The following NAALADL2 variants were observed in gnomAD, a reference collection of about 807,000 sequenced individuals.
NAALADL2 encodes the protein N-acetylated alpha-linked acidic dipeptidase like 2, also known as inactive N-acetylated-alpha-linked acidic dipeptidase-like protein 2.
Under a neutral mutation model 87.2 loss-of-function variants are expected in NAALADL2, and 76 were observed. The ratio of observed to expected loss-of-function variants is 0.87; its 90% CI spans 0.72 to 1.05. The LOEUF is 1.05. Among genes scored for constraint, NAALADL2 ranks in the 50% least tolerant of loss-of-function variants. NAALADL2 has a pLI of 0.00. For synonymous variants in NAALADL2, 354 were observed against 331.0 expected (o/e 1.07, Z -0.75); for missense variants, 1,089 against 945.8 (o/e 1.15, Z -1.99).
At position 174,458,180 on chromosome 3, in the gene NAALADL2, A is replaced by G. The variant is rs76194167; in HGVS notation, c.-184+17148A>G. 1.7e-3 allele frequency among the ~76,000 whole-genome samples: 258 copies of G among 152,316 alleles called. 1 individual carries two copies. The highest frequency in any genetic ancestry group is 6.1e-3 in the African/African-American group (252 of 41,568). ...TTTTAATTTATAAAGTATTATTAAT[A>G]GTTCACTATATAAGGGTTATTGTAA... is the stretch of plus-strand genomic sequence containing the variant. On this transcript the variant is annotated intron_variant, in intron 1 of 3. Transcript: ENST00000434257.
intron 11 of NAALADL2, among the ~76,000 whole-genome samples, chr3:175,692,383 G>A (rs1176010368): frequency 2.0e-5 from 3 of 152,082 alleles, no homozygotes; most frequent in African/African-American, 7.2e-5. Flanking sequence ...TAAACAATGG[G>A]ATTCTGTAGT....
At chr3:174,797,309 T>TC (rs1718248050) in intron 3 of NAALADL2, among the ~76,000 whole-genome samples, 3 of 88,736 alleles carry the variant, frequency 3.4e-5, no homozygotes, top group Non-Finnish European at 6.3e-5. Flanking sequence ...TTTTTTCTTT[T>TC]TTTTTTTTTT....
intron 1 of NAALADL2, among the ~76,000 whole-genome samples, chr3:174,544,808 A>G (rs1214896012): frequency 6.6e-6 from 1 of 151,840 alleles, no homozygotes; most frequent in Non-Finnish European, 1.5e-5. Context: ...TGACATTCTT[A>G]TCTGCCTGCC....
chr3:174,621,845 G>T (rs372226898), intron 2 of NAALADL2, among the ~76,000 whole-genome samples: 1 of 152,110 alleles, frequency 6.6e-6, no homozygotes, highest in Non-Finnish European at 1.5e-5. Flanking sequence ...GTAAAAAATA[G>T]AAGCTTATTT....
chr3:174,976,745 T>C (rs1744410311), intron 1 of NAALADL2, among the ~76,000 whole-genome samples: 1 of 152,212 alleles, frequency 6.6e-6, no homozygotes, highest in Non-Finnish European at 1.5e-5. Context: ...TAGCAAAATA[T>C]TGTTAGAGAC....
At chr3:175,401,530 A>G (rs1770564287) in intron 5 of NAALADL2, among the ~76,000 whole-genome samples, 1 of 152,126 alleles carries the variant, frequency 6.6e-6, no homozygotes, top group South Asian at 2.1e-4. Context: ...GAGTGTACTT[A>G]CACAAACCCA....
intron 2 of NAALADL2, among the ~76,000 whole-genome samples, chr3:174,704,583 G>A (rs917347144): frequency 6.6e-6 from 1 of 151,498 alleles, no homozygotes; most frequent in African/African-American, 2.4e-5. Context: ...ATATATACAG[G>A]CAGATACATA....
At chr3:174,919,127 G>T (rs140404159) in intron 1 of NAALADL2, among the ~76,000 whole-genome samples, 1 of 152,110 alleles carries the variant, frequency 6.6e-6, no homozygotes, top group East Asian at 1.9e-4. Flanking sequence ...TAATATTTTT[G>T]CAGATGGGGG....
At chr3:174,640,381 G>C (rs1369694408) in intron 2 of NAALADL2, among the ~76,000 whole-genome samples, 3 of 152,196 alleles carry the variant, frequency 2.0e-5, no homozygotes, top group South Asian at 4.1e-4. Context: ...TGTGTCTGAA[G>C]AGCTAATCTC....
At chr3:175,378,200 C>A (rs2148974790) in intron 5 of NAALADL2, among the ~76,000 whole-genome samples, 1 of 151,778 alleles carries the variant, frequency 6.6e-6, no homozygotes, top group South Asian at 2.1e-4. Flanking sequence ...AAAGCACTCA[C>A]CCTGGCTCCT....
At chr3:174,884,476 T>G (rs1373909853) in intron 1 of NAALADL2, among the ~76,000 whole-genome samples, 1 of 152,176 alleles carries the variant, frequency 6.6e-6, no homozygotes, top group East Asian at 1.9e-4. Flanking sequence ...ATTGTCACAC[T>G]TCTTTAGCTG....
At chr3:175,122,129 G>T (rs141373208) in intron 2 of NAALADL2, among the ~76,000 whole-genome samples, 137 of 151,900 alleles carry the variant, frequency 9.0e-4, no homozygotes, top group African/African-American at 3.2e-3. Context: ...TTTTACAAAG[G>T]ATTTTCTTTT....
At chr3:175,091,172 G>T (rs1720051240) in intron 1 of NAALADL2, among the ~76,000 whole-genome samples, 2 of 152,002 alleles carry the variant, frequency 1.3e-5, no homozygotes, top group African/African-American at 4.8e-5. Flanking sequence ...AAATGATTTT[G>T]CCTATAAAGA....
intron 1 of NAALADL2, among the ~76,000 whole-genome samples, chr3:174,913,133 T>C (rs948200241): frequency 2.6e-5 from 4 of 152,138 alleles, no homozygotes; most frequent in Non-Finnish European, 5.9e-5. Context: ...TAAAATATAG[T>C]ATTATGACTT....
rs754412056 is a variant in NAALADL2, at chr3:175,495,092, A to ATATAT, written c.1653+23335_1653+23336insATATT. Among the ~76,000 whole-genome samples, 120 of 136,500 alleles carry ATATAT rather than the reference A, an allele frequency of 8.8e-4. No homozygotes were observed. In the East Asian group the frequency reaches 0.011, roughly 12 times the overall value. 89.5% of individuals were successfully genotyped at this position (136,500 alleles called of 152,430 possible). ...CAATCCCATATATATATATATATAT[A>ATATAT]TTTTTTTTTAATTTTAGATTATTTC... On this transcript the variant is annotated intron_variant, in intron 9 of 13. Transcript: ENST00000454872.
chr3:175,361,649 G>C (rs1765025263), intron 5 of NAALADL2, among the ~76,000 whole-genome samples: 1 of 148,262 alleles, frequency 6.7e-6, no homozygotes, highest in Non-Finnish European at 1.5e-5. Flanking sequence ...GTGTCTTTTG[G>C]TTGCATAAAT....
chr3:174,741,697 A>T (rs1733784002), intron 3 of NAALADL2, among the ~76,000 whole-genome samples: 1 of 151,700 alleles, frequency 6.6e-6, no homozygotes, highest in South Asian at 2.1e-4. Context: ...AGCTTTATAT[A>T]GATAAATTTT....
chr3:175,527,846 A>T (rs1352972087), intron 9 of NAALADL2, among the ~76,000 whole-genome samples: 1 of 152,212 alleles, frequency 6.6e-6, no homozygotes, highest in Non-Finnish European at 1.5e-5. Flanking sequence ...ACATTTGAAA[A>T]ATAGTTATAC....
rs150118182 is a variant in NAALADL2, at chr3:175,494,274, G to C, written c.1653+22516G>C. ...ATTTGTGATGTCTACATATTTTGAAGCATTTAAACCATTTTAATTTTTCTG... is the reference window on the plus strand; with the variant it reads ...ATTTGTGATGTCTACATATTTTGAACCATTTAAACCATTTTAATTTTTCTG... On this transcript the variant is annotated intron_variant, in intron 9 of 13. Coordinates refer to ENST00000454872, the MANE Select transcript of NAALADL2 (RefSeq NM_207015.3). Among the ~76,000 whole-genome samples, 252 of 151,996 alleles carry C rather than the reference G, an allele frequency of 1.7e-3. 1 individual carries two copies. Among genetic ancestry groups the C allele is most frequent in the African/African-American group, 5.6e-3 (234 of 41,456 alleles).
Sources: allele counts gnomAD v4.1 joint callset (sites outside exome capture counted in the v4.1 genomes callset), GRCh38; gene constraint gnomAD v4.1.1; transcripts MANE v1.5; gene names NCBI Gene and HGNC (gene_info 2026-07-23, HGNC 2026-07-21).